The following MCTP1 variants were observed in gnomAD, a reference collection of about 807,000 sequenced individuals.
MCTP1 encodes the protein multiple C2 and transmembrane domain containing 1, also known as multiple C2 and transmembrane domain-containing protein 1.
In MCTP1, 69 loss-of-function variants were observed where a neutral mutation model predicts 120.6. The ratio of observed to expected loss-of-function variants is 0.57; its 90% CI spans 0.47 to 0.70. The LOEUF is 0.70. Ranked by LOEUF, MCTP1 falls within the 30% of genes least tolerant of loss-of-function variation. The probability of loss-of-function intolerance (pLI) is 0.00; values close to 1 mark genes in which losing one functional copy is unlikely to be tolerated. For missense variants in MCTP1, 1,203 were observed against 1,248.8 expected, an observed-to-expected ratio of 0.96 and a Z score of 0.55; for synonymous variants, 529 against 493.1, an observed-to-expected ratio of 1.07 and a Z score of -0.96.
At chr5:94,911,966 T>C (rs1026166972) in intron 9 of MCTP1, among the ~76,000 whole-genome samples, 5 of 152,174 alleles carry the variant, frequency 3.3e-5, no homozygotes, top group Admixed American at 2.6e-4. Flanking sequence ...TAGGTAGGCA[T>C]TATTTTAACT....
At chr5:95,095,663 G>A (rs1486999931) in intron 1 of MCTP1, among the ~76,000 whole-genome samples, 4 of 152,162 alleles carry the variant, frequency 2.6e-5, no homozygotes, top group Non-Finnish European at 5.9e-5. Flanking sequence ...CCTGGTTCCA[G>A]GCTACACTGA....
intron 1 of MCTP1, among the ~76,000 whole-genome samples, chr5:95,202,085 G>C (rs556545784): frequency 4.3e-4 from 65 of 152,260 alleles, no homozygotes; most frequent in Non-Finnish European, 8.1e-4. Context: ...AGACTGGTAA[G>C]TGGGTCAGTG....
At chr5:94,941,614 A>C (rs1817741742) in intron 4 of MCTP1, among the ~76,000 whole-genome samples, 1 of 152,008 alleles carries the variant, frequency 6.6e-6, no homozygotes, top group African/African-American at 2.4e-5. Flanking sequence ...CCTTCTCCTT[A>C]AAACCATCAA....
rs1282920871 is a variant in MCTP1 at position 94,942,404 on chromosome 5, T to C, written c.1005A>G (p.Leu335=). 1.9e-6 allele frequency: 3 copies of C among 1,610,892 alleles called. No individual in the cohort carries two copies. The highest frequency in any genetic ancestry group is 2.5e-6 in the Non-Finnish European group (3 of 1,177,962). ...YIKVFDYDFG[L]QDDFMGSAFL... is the part of the protein sequence containing the mutation. ...AGGCTGAGCCCATAAAGTCATCCTG[T>C]AGTCCAAAATCATAGTCAAATACCT... Residue 335 remains leucine (L), a synonymous_variant, in exon 4 of 23, where the codon CTA becomes CTG. Coordinates refer to ENST00000515393, the MANE Select transcript of MCTP1 (RefSeq NM_024717.7).
intron 17 of MCTP1, among the ~76,000 whole-genome samples, chr5:94,832,514 G>A (rs1280472338): frequency 6.6e-6 from 1 of 152,002 alleles, no homozygotes; most frequent in African/African-American, 2.4e-5. Flanking sequence ...TTGAAAACAT[G>A]TATTTGGCTT....
intron 1 of MCTP1, among the ~76,000 whole-genome samples, chr5:95,102,322 C>T (rs868305510): frequency 3.3e-5 from 5 of 152,340 alleles, no homozygotes; most frequent in Non-Finnish European, 7.3e-5. Context: ...TGACCCAAAG[C>T]TCACTGCGGC....
At chr5:94,748,104 T>C (rs1163164763) in intron 19 of MCTP1, among the ~76,000 whole-genome samples, 2 of 152,102 alleles carry the variant, frequency 1.3e-5, no homozygotes, top group Admixed American at 6.5e-5. Context: ...AAAGAAACCA[T>C]AAGGAAGTTT....
intron 1 of MCTP1, among the ~76,000 whole-genome samples, chr5:95,062,626 T>C (rs12521630): frequency 3.3e-5 from 5 of 152,184 alleles, no homozygotes; most frequent in African/African-American, 1.2e-4. Flanking sequence ...TCCCCACATA[T>C]CCTTCTGGTA....
intron 1 of MCTP1, among the ~76,000 whole-genome samples, chr5:95,087,467 C>G (rs932931113): frequency 1.3e-5 from 2 of 152,180 alleles, no homozygotes; most frequent in Non-Finnish European, 2.9e-5. Flanking sequence ...TTAAAGGAGA[C>G]AGTCTCTGCT....
intron 17 of MCTP1, among the ~76,000 whole-genome samples, chr5:94,810,373 A>G (rs1288597666): frequency 6.6e-6 from 1 of 152,166 alleles, no homozygotes; most frequent in African/African-American, 2.4e-5. Flanking sequence ...TACAAAATGT[A>G]AAATTTCCCT....
chr5:95,034,045 T>G (rs1281823458), intron 1 of MCTP1, among the ~76,000 whole-genome samples: 3 of 152,036 alleles, frequency 2.0e-5, no homozygotes, highest in African/African-American at 7.2e-5. Flanking sequence ...CAAGGAGAAT[T>G]ACAAAACACT....
chr5:95,050,117 G>A (rs1444116476), intron 1 of MCTP1, among the ~76,000 whole-genome samples: 1 of 151,548 alleles, frequency 6.6e-6, no homozygotes, highest in Non-Finnish European at 1.5e-5. Flanking sequence ...ATAGCTTAGG[G>A]TTAACTAGGG....
chr5:94,714,664 A>G (rs2152559349), intron 20 of MCTP1, 113 bp downstream of exon 20: 1 of 741,218 alleles, frequency 1.3e-6, no homozygotes. Context: ...TGAGCAATAG[A>G]GCACCCAGAA....
chr5:94,936,410 G>A lies in MCTP1; in HGVS notation c.1173+3674C>T, dbSNP rs147532555. Among the ~76,000 whole-genome samples, 30 of 152,182 alleles carry A rather than the reference G, an allele frequency of 2.0e-4. No homozygotes were observed. In the East Asian group the frequency reaches 5.8e-3, roughly 29 times the overall value. ...AACACTGAAGAAAGCCTGGACTTGAGAGAAGGTGAACTGAGAAGGAGTTTG... is the reference window on the plus strand; with the variant it reads ...AACACTGAAGAAAGCCTGGACTTGAAAGAAGGTGAACTGAGAAGGAGTTTG... On this transcript the variant is annotated intron_variant, in intron 5 of 22. Coordinates refer to ENST00000515393, the MANE Select transcript of MCTP1 (RefSeq NM_024717.7).
At chr5:95,188,324 C>T (rs556929450) in intron 1 of MCTP1, among the ~76,000 whole-genome samples, 4 of 152,220 alleles carry the variant, frequency 2.6e-5, no homozygotes, top group African/African-American at 7.2e-5. Context: ...AAAACGGTAC[C>T]GTTATTCTGG....
intron 17 of MCTP1, 48 bp from the exon 18 acceptor site, chr5:94,799,180 C>A (rs2153019914): frequency 1.3e-6 from 2 of 1,559,604 alleles, no homozygotes; most frequent in East Asian, 2.3e-5. Flanking sequence ...CACTGAATTT[C>A]ATTAAATGGA....
At chr5:95,259,462 C>T (rs1758248509) in intron 1 of MCTP1, among the ~76,000 whole-genome samples, 1 of 152,146 alleles carries the variant, frequency 6.6e-6, no homozygotes, top group Non-Finnish European at 1.5e-5. Flanking sequence ...CCTTAAATGG[C>T]TCCTCTAATG....
intron 2 of MCTP1, among the ~76,000 whole-genome samples, chr5:94,956,570 T>C (rs781646801): frequency 1.4e-4 from 21 of 152,088 alleles, no homozygotes; most frequent in African/African-American, 4.3e-4. Flanking sequence ...GAGAAGAACA[T>C]AAATGACCTG....
At chr5:94,718,313 G>A (rs75999203) in intron 19 of MCTP1, among the ~76,000 whole-genome samples, 6,019 of 152,218 alleles carry the variant, frequency 0.04, 335 homozygotes, top group East Asian at 0.29. Context: ...GCCATATGCA[G>A]AAAATTGAAA....
Sources: gnomAD v4.1 joint callset for allele counts (sites outside exome capture counted in the v4.1 genomes callset) on GRCh38, gnomAD v4.1.1 for gene constraint, MANE v1.5 for transcripts, NCBI Gene and HGNC (gene_info 2026-07-23, HGNC 2026-07-21) for gene names.